The following AP3B1 variants were observed in gnomAD, a reference collection of about 807,000 sequenced individuals.
AP3B1 encodes adaptor related protein complex 3 subunit beta 1, also known as AP-3 complex subunit beta-1.
A neutral mutation model predicts 132.5 loss-of-function variants in AP3B1; 61 were observed. The observed-to-expected ratio is 0.46, with a 90% CI of 0.37 to 0.57. AP3B1 has a LOEUF of 0.57. AP3B1 is among the 20% of genes least tolerant of loss of function. The probability of loss-of-function intolerance (pLI) is 0.00; values close to 1 mark genes in which losing one functional copy is unlikely to be tolerated. For synonymous variants in AP3B1, 388 were observed against 438.3 expected (o/e 0.89, Z 1.43); for missense variants, 1,120 against 1,289.4 (o/e 0.87, Z 2.01).
chr5:78,222,117 T>G (rs1746201965), intron 6 of AP3B1: 1 of 152,048 alleles, frequency 6.6e-6, no homozygotes, highest in Non-Finnish European at 1.5e-5. Context: ...CAGATATGAT[T>G]CATTCTCTAA....
At chr5:78,232,714 T>TC (rs1291883841) in intron 3 of AP3B1, among the ~76,000 whole-genome samples, 1 of 152,186 alleles carries the variant, frequency 6.6e-6, no homozygotes, top group Admixed American at 6.5e-5. Context: ...ATTCTTTCTT[T>TC]CTTTTTTTTT....
intron 7 of AP3B1, among the ~76,000 whole-genome samples, chr5:78,212,984 T>C (rs2112471960): frequency 6.6e-6 from 1 of 152,170 alleles, no homozygotes; most frequent in South Asian, 2.1e-4. Context: ...TTCATGCCAT[T>C]CTCCTGCCTC....
At chr5:78,063,115 A>G (rs967017678) in intron 22 of AP3B1, among the ~76,000 whole-genome samples, 3 of 152,176 alleles carry the variant, frequency 2.0e-5, no homozygotes, top group African/African-American at 7.2e-5. Flanking sequence ...CTCCAAATAC[A>G]ATGCTTGGGT....
Position 78,087,437 on chromosome 5 carries a change from T to C in AP3B1, c.2577+1956A>G, listed in dbSNP as rs999925169. ...TGACATTCTGCAGTAGAATATTCAG[T>C]TTATTTCTACACGTTCCATTTTTCA... On this transcript the variant is annotated intron_variant, in intron 22 of 26. Coordinates refer to ENST00000255194, the MANE Select transcript of AP3B1 (RefSeq NM_003664.5). 7 of 720,788 alleles carry C rather than the reference T, an allele frequency of 9.7e-6. No homozygotes were observed. In the Admixed American group the frequency reaches 2.5e-4, roughly 26 times the overall value. The allele number at this position is 720,788 out of a possible 1,614,324, so 44.6% of individuals were successfully genotyped here.
chr5:78,177,805 C>T (rs1010182736), intron 8 of AP3B1, among the ~76,000 whole-genome samples: 1 of 152,068 alleles, frequency 6.6e-6, no homozygotes, highest in African/African-American at 2.4e-5. Flanking sequence ...CACCCATAAG[C>T]CAAGCAATGC....
At chr5:78,272,070 A>G (rs1364376172) in intron 1 of AP3B1, among the ~76,000 whole-genome samples, 1 of 152,230 alleles carries the variant, frequency 6.6e-6, no homozygotes, top group Non-Finnish European at 1.5e-5. Flanking sequence ...AAGAGACTTC[A>G]TAAGAATCTT....
intron 22 of AP3B1, among the ~76,000 whole-genome samples, chr5:78,055,773 T>C (rs1051082721): frequency 3.3e-5 from 5 of 152,200 alleles, no homozygotes; most frequent in Non-Finnish European, 7.3e-5. Context: ...TTGAATGTGA[T>C]CTTAATTATA....
chr5:78,100,838 T>C (rs1580347487), intron 21 of AP3B1, 115 bp downstream of exon 21: 2 of 644,906 alleles, frequency 3.1e-6, no homozygotes, highest in South Asian at 4.6e-5. Context: ...TATTCATCTA[T>C]AAGTCTTTCA....
intron 22 of AP3B1, among the ~76,000 whole-genome samples, chr5:78,066,957 A>G (rs1221787935): frequency 6.6e-6 from 1 of 152,228 alleles, no homozygotes; most frequent in Non-Finnish European, 1.5e-5. Flanking sequence ...TCAGACTGAC[A>G]GCAGACCTCT....
chr5:78,251,693 G>A (rs1319557305), intron 2 of AP3B1, among the ~76,000 whole-genome samples: 1 of 152,162 alleles, frequency 6.6e-6, no homozygotes, highest in African/African-American at 2.4e-5. Flanking sequence ...TGAGTCCCTG[G>A]AAAACCTCGC....
intron 17 of AP3B1, among the ~76,000 whole-genome samples, chr5:78,123,919 T>C (rs181976355): frequency 1.3e-3 from 194 of 152,320 alleles, no homozygotes; most frequent in East Asian, 7.5e-3. Context: ...TGCGGCACTA[T>C]TCACAATAGC....
Position 78,176,145 on chromosome 5 carries a change from G to A in AP3B1, c.1041-307C>T, listed in dbSNP as rs184487320. 2.0e-3 allele frequency among the ~76,000 whole-genome samples: 305 copies of A among 152,182 alleles called. 2 individuals are homozygous for A. Among genetic ancestry groups the A allele is most frequent in the Non-Finnish European group, 1.0e-3 (68 of 67,968 alleles). On this transcript the variant is annotated intron_variant, in intron 9 of 26. Coordinates refer to ENST00000255194, the MANE Select transcript of AP3B1 (RefSeq NM_003664.5). The stretch of plus-strand genomic sequence containing the variant: ...CACATCCAAGGAAGGTATTCTTAGG[G>A]TTAATAGGGGTAGATAGGACCACAC...
chr5:78,223,272 T>G (rs1746265613), intron 6 of AP3B1, among the ~76,000 whole-genome samples: 1 of 151,982 alleles, frequency 6.6e-6, no homozygotes, highest in African/African-American at 2.4e-5. Context: ...AAACTTTGTT[T>G]TTTACTATAG....
chr5:78,113,220 A>C (rs79071967), intron 19 of AP3B1, among the ~76,000 whole-genome samples: 5,607 of 152,224 alleles, frequency 0.037, 332 homozygotes, highest in African/African-American at 0.12. Flanking sequence ...AAGATATTAG[A>C]CCCAATTACT....
chr5:78,288,342 C>T (rs1252989083), intron 1 of AP3B1, among the ~76,000 whole-genome samples: 2 of 152,136 alleles, frequency 1.3e-5, no homozygotes, highest in Admixed American at 6.5e-5. Context: ...AATTGTTATG[C>T]ATTTTTATGG....
At chr5:78,119,283 C>T (rs1441744175) in intron 17 of AP3B1, among the ~76,000 whole-genome samples, 1 of 152,152 alleles carries the variant, frequency 6.6e-6, no homozygotes. Context: ...AGCAGAGTGC[C>T]TCTCCTCCTC....
At chr5:78,266,444 T>G (rs1748326726) in intron 2 of AP3B1, among the ~76,000 whole-genome samples, 1 of 152,170 alleles carries the variant, frequency 6.6e-6, no homozygotes. Flanking sequence ...GACTTTAATA[T>G]ATTTGATTTT....
Position 78,048,924 on chromosome 5 carries a change from C to G in AP3B1, c.2578-9650G>C, listed in dbSNP as rs565428710. On this transcript the variant is annotated intron_variant, in intron 22 of 26. Coordinates refer to ENST00000255194, the MANE Select transcript of AP3B1 (RefSeq NM_003664.5). ...TTGTAATGGGAGAATGCCCCCTTCC[C>G]CCACTTTCTCTAAAGTCCTGGTAGA... Among the ~76,000 whole-genome samples, 10 of 152,272 alleles carry G rather than the reference C, an allele frequency of 6.6e-5. No individual in the cohort carries two copies. In the South Asian group the frequency reaches 2.1e-3, roughly 32 times the overall value.
intron 12 of AP3B1, among the ~76,000 whole-genome samples, chr5:78,164,057 G>C (rs375907647): frequency 6.6e-6 from 1 of 151,796 alleles, no homozygotes; most frequent in Non-Finnish European, 1.5e-5. Context: ...ATTAAACATT[G>C]AACAAATAAA....
Sources: gnomAD v4.1 joint callset for allele counts (sites outside exome capture counted in the v4.1 genomes callset) on GRCh38, gnomAD v4.1.1 for gene constraint, MANE v1.5 for transcripts, NCBI Gene and HGNC (gene_info 2026-07-23, HGNC 2026-07-21) for gene names.